NAV3: variants seen among roughly 807,000 people sequenced by gnomAD.
NAV3 encodes neuron navigator 3, also known as pore membrane and/or filament interacting like protein 1.
A neutral mutation model predicts 244.7 loss-of-function variants in NAV3; 87 were observed. That is an observed-to-expected ratio of 0.36 (90% CI 0.30 to 0.42). The LOEUF (loss-of-function observed/expected upper bound fraction) is 0.42. NAV3 is among the 20% of genes least tolerant of loss of function. The probability of loss-of-function intolerance (pLI) is 1.00; values close to 1 mark genes in which losing one functional copy is unlikely to be tolerated. For synonymous variants in NAV3, 1,126 were observed against 1,042.2 expected, an observed-to-expected ratio of 1.08 and a Z score of -1.55; for missense variants, 2,663 against 2,893.3, an observed-to-expected ratio of 0.92 and a Z score of 1.83.
intron 1 of NAV3, among the ~76,000 whole-genome samples, chr12:77,896,181 AATTAACCTAAAG>A (rs1289818212): frequency 2.6e-5 from 4 of 152,144 alleles, no homozygotes; most frequent in Non-Finnish European, 5.9e-5. Flanking sequence ...CAGGCCACAG[AATTAACCTAAAG>A]ATTAACAGTG....
chr12:77,880,765 T>G (rs534536122), intron 1 of NAV3, among the ~76,000 whole-genome samples: 2 of 152,152 alleles, frequency 1.3e-5, no homozygotes, highest in Non-Finnish European at 2.9e-5. Context: ...TTTAGTCACA[T>G]GCTTTACAGG....
chr12:77,925,206 C>T (rs1269898321), intron 1 of NAV3, among the ~76,000 whole-genome samples: 2 of 151,950 alleles, frequency 1.3e-5, no homozygotes, highest in East Asian at 1.9e-4. Flanking sequence ...TGTTTTAGAC[C>T]ATATTTCACA....
intron 1 of NAV3, among the ~76,000 whole-genome samples, chr12:77,884,428 C>T (rs1883040197): frequency 6.6e-6 from 1 of 152,054 alleles, no homozygotes; most frequent in African/African-American, 2.4e-5. Flanking sequence ...TCCAAAGGCT[C>T]CAGAACCAGG....
chr12:77,924,203 T>C (rs1333248835), intron 1 of NAV3, among the ~76,000 whole-genome samples: 3 of 152,168 alleles, frequency 2.0e-5, no homozygotes, highest in Non-Finnish European at 4.4e-5. Flanking sequence ...ATTTTCATTA[T>C]GTGGCCTCAT....
At chr12:77,660,069 C>G (rs940296450) in intron 2 of NAV3, among the ~76,000 whole-genome samples, 19 of 151,782 alleles carry the variant, frequency 1.3e-4, no homozygotes, top group African/African-American at 2.9e-4. Context: ...TGTAACTAAC[C>G]TGCACATTGT....
intron 37 of NAV3, among the ~76,000 whole-genome samples, chr12:78,200,227 A>G (rs964039178): frequency 9.9e-5 from 15 of 152,084 alleles, no homozygotes; most frequent in Non-Finnish European, 7.4e-5. Flanking sequence ...TAACTGCATT[A>G]TGACTTTTAT....
At chr12:78,064,136 G>C (rs539950447) in intron 12 of NAV3, among the ~76,000 whole-genome samples, 13 of 152,160 alleles carry the variant, frequency 8.5e-5, no homozygotes, top group Admixed American at 4.6e-4. Context: ...GGGGGCTGGG[G>C]ACACCATCTA....
chr12:77,865,030 C>A (rs1272763740), intron 1 of NAV3, among the ~76,000 whole-genome samples: 1 of 151,976 alleles, frequency 6.6e-6, no homozygotes. Context: ...TTATTCTAAT[C>A]ACTTATGGGC....
At chr12:78,094,884 T>C (rs1204938735) in intron 12 of NAV3, among the ~76,000 whole-genome samples, 1 of 151,626 alleles carries the variant, frequency 6.6e-6, no homozygotes, top group African/African-American at 2.4e-5. Context: ...CCGTCTCTAC[T>C]AAAAATACAA....
intron 2 of NAV3, among the ~76,000 whole-genome samples, chr12:77,644,463 G>C (rs1872539559): frequency 6.6e-6 from 1 of 152,052 alleles, no homozygotes; most frequent in Non-Finnish European, 1.5e-5. Flanking sequence ...AGAATTATCA[G>C]GGGCTTAAGA....
In NAV3 at chr12:77,611,438, A is replaced by G. The variant is rs138472143; in HGVS notation, c.72+39172A>G. On this transcript the variant is annotated intron_variant, in intron 2 of 8. Transcript: ENST00000550042. ...TATTGATACATTAAATGTAAATACT[A>G]GCTATTTTTTCTCCTATAAAATATT... Among the ~76,000 whole-genome samples the G allele has an allele frequency of 3.0e-4, 45 of 152,116 alleles. No homozygotes were observed. In the East Asian group the frequency reaches 8.1e-3, roughly 27 times the overall value.
intron 2 of NAV3, among the ~76,000 whole-genome samples, chr12:77,767,825 C>T (rs1869858014): frequency 6.6e-6 from 1 of 152,168 alleles, no homozygotes; most frequent in Non-Finnish European, 1.5e-5. Flanking sequence ...TTTTTCCTTC[C>T]CATTGCCTGC....
chr12:78,146,499 C>T (rs992254639), intron 21 of NAV3, 107 bp downstream of exon 21: 2 of 357,772 alleles, frequency 5.6e-6, no homozygotes, highest in Admixed American at 9.5e-5. Flanking sequence ...TAGCAGAACT[C>T]CACAGGACTG....
At chr12:77,605,559 A>G (rs76848827) in intron 2 of NAV3, among the ~76,000 whole-genome samples, 1 of 152,130 alleles carries the variant, frequency 6.6e-6, no homozygotes, top group African/African-American at 2.4e-5. Flanking sequence ...GCTCTTTAAG[A>G]TTAAAGATAA....
intron 13 of NAV3, among the ~76,000 whole-genome samples, chr12:78,117,287 A>C (rs1050704100): frequency 4.2e-5 from 6 of 143,954 alleles, no homozygotes; most frequent in Admixed American, 3.6e-4. Flanking sequence ...TTTATTGTTA[A>C]TATATAGAGT....
chr12:77,857,278 C>T (rs1878533405), intron 1 of NAV3, among the ~76,000 whole-genome samples: 1 of 151,990 alleles, frequency 6.6e-6, no homozygotes, highest in Non-Finnish European at 1.5e-5. Flanking sequence ...AAGAGTTAGA[C>T]ATGGCTTTTC....
intron 2 of NAV3, among the ~76,000 whole-genome samples, chr12:77,798,257 T>G (rs1176571161): frequency 6.6e-6 from 1 of 152,146 alleles, no homozygotes; most frequent in Admixed American, 6.6e-5. Flanking sequence ...GAAGCTTGAT[T>G]CAGAGCAGGT....
chr12:78,117,158 C>CTTTTATATATAT (rs1555292748), intron 13 of NAV3, among the ~76,000 whole-genome samples: 1 of 70,370 alleles, frequency 1.4e-5, no homozygotes, highest in African/African-American at 5.4e-5. Flanking sequence ...ACAGAAGCAG[C>CTTTTATATATAT]ATATATATAT....
intron 2 of NAV3, among the ~76,000 whole-genome samples, chr12:77,662,735 G>T (rs928663875): frequency 6.6e-6 from 1 of 151,934 alleles, no homozygotes; most frequent in African/African-American, 2.4e-5. Flanking sequence ...ATTTCCTGAG[G>T]ACTAAAATTG....
Sources: gnomAD v4.1 joint callset for allele counts (sites outside exome capture counted in the v4.1 genomes callset) on GRCh38, gnomAD v4.1.1 for gene constraint, MANE v1.5 for transcripts, NCBI Gene and HGNC (gene_info 2026-07-23, HGNC 2026-07-21) for gene names.